Variants in GLRA2 observed in about 807,000 individuals in gnomAD.
The protein encoded by GLRA2 is glycine receptor alpha 2.
In GLRA2, 11 loss-of-function variants were observed where a neutral mutation model predicts 31.6. The observed-to-expected ratio is 0.35, with a 90% confidence interval of 0.22 to 0.58. GLRA2 has a LOEUF of 0.58. GLRA2 is among the 20% of genes least tolerant of loss of function. The pLI is 0.84. For synonymous variants in GLRA2, 132 were observed against 134.0 expected, an observed-to-expected ratio of 0.99 and a Z score of 0.10; for missense variants, 212 against 351.8, an observed-to-expected ratio of 0.60 and a Z score of 3.18.
the GLRA2 span, among the ~76,000 whole-genome samples, chrX:14,479,956 TACTACAGTGGCTGA>T: frequency 8.9e-6 from 1 of 112,084 alleles, no homozygotes; most frequent in African/African-American, 3.2e-5. Context: ...CCAAACTGCT[TACTACAGTGGCTGA>T]ACTAATTTAC....
chrX:14,542,102 G>A (rs757261185), intron 2 of GLRA2, among the ~76,000 whole-genome samples: 3 of 111,500 alleles, frequency 2.7e-5, no homozygotes, highest in Non-Finnish European at 5.7e-5. Flanking sequence ...TTTATTTCTT[G>A]TAAAGGGTTA....
chrX:14,505,434 CTGT>C, the GLRA2 span, among the ~76,000 whole-genome samples: 1 of 111,452 alleles, frequency 9.0e-6, no homozygotes, highest in Non-Finnish European at 1.9e-5. Flanking sequence ...GTTGATTATT[CTGT>C]TGTTATATAA....
chrX:14,502,221 C>A, the GLRA2 span, among the ~76,000 whole-genome samples: 1 of 111,630 alleles, frequency 9.0e-6, no homozygotes, highest in Non-Finnish European at 1.9e-5. Flanking sequence ...TCCTTCATTT[C>A]TTTTGGCCTC....
At chrX:14,555,138 C>T (rs1369882151) in intron 2 of GLRA2, among the ~76,000 whole-genome samples, 1 of 111,842 alleles carries the variant, frequency 8.9e-6, no homozygotes, top group Admixed American at 9.5e-5. Context: ...TGAGAGTAAT[C>T]AAATGCAGGG....
At chrX:14,716,695 CCCTCTGGTG>C (rs1430228227) in intron 8 of GLRA2, among the ~76,000 whole-genome samples, 2 of 111,491 alleles carry the variant, frequency 1.8e-5, no homozygotes, top group Non-Finnish European at 3.8e-5. Flanking sequence ...AGGAGCTCAC[CCCTCTGGTG>C]AGCAAAGATA....
chrX:14,519,564 A>C, the GLRA2 span, among the ~76,000 whole-genome samples: 1 of 112,041 alleles, frequency 8.9e-6, no homozygotes, highest in Non-Finnish European at 1.9e-5. Context: ...TAGGTATTAT[A>C]GAATTAGTAT....
chrX:14,486,788 T>C, the GLRA2 span, among the ~76,000 whole-genome samples: 1 of 111,928 alleles, frequency 8.9e-6, no homozygotes, highest in African/African-American at 3.2e-5. Context: ...CATTACCCTA[T>C]AAAGTAAAAA....
At chrX:14,712,543 C>T (rs371438193) in intron 8 of GLRA2, among the ~76,000 whole-genome samples, 6 of 109,419 alleles carry the variant, frequency 5.5e-5, no homozygotes, top group Non-Finnish European at 5.7e-5. Context: ...ATTAAAGTGG[C>T]GTTTTGTAGT....
intron 4 of GLRA2, among the ~76,000 whole-genome samples, chrX:14,584,927 T>C (rs2090063766): frequency 9.0e-6 from 1 of 111,431 alleles, no homozygotes; most frequent in Non-Finnish European, 1.9e-5. Flanking sequence ...GTTGCTTTCT[T>C]GCTGTTTTGT....
At chrX:14,713,130 T>C (rs1000026371) in intron 8 of GLRA2, among the ~76,000 whole-genome samples, 7 of 111,826 alleles carry the variant, frequency 6.3e-5, no homozygotes, top group Non-Finnish European at 1.9e-5. Context: ...TCTAGAGAAT[T>C]TGGCAGTCAG....
At chrX:14,533,090 CAGAA>C (rs1410687862) in intron 2 of GLRA2, among the ~76,000 whole-genome samples, 1 of 110,307 alleles carries the variant, frequency 9.1e-6, no homozygotes, top group African/African-American at 3.3e-5. Flanking sequence ...TATTCTGAAT[CAGAA>C]AAAAAGAATA....
chrX:14,597,621 G>A (rs901960794), intron 4 of GLRA2, among the ~76,000 whole-genome samples: 4 of 111,136 alleles, frequency 3.6e-5, no homozygotes, highest in African/African-American at 1.3e-4. Context: ...AAATGAAAGG[G>A]GTATCCCTGA....
chrX:14,582,652 G>A (rs185849450), intron 4 of GLRA2, among the ~76,000 whole-genome samples: 43 of 111,852 alleles, frequency 3.8e-4, no homozygotes, highest in African/African-American at 1.3e-3. Flanking sequence ...CACTTACTAA[G>A]TTATGTAATC....
intron 3 of GLRA2, among the ~76,000 whole-genome samples, chrX:14,575,224 G>A (rs2089939454): frequency 9.8e-6 from 1 of 101,704 alleles, no homozygotes. Flanking sequence ...TTTTTGAGAT[G>A]GAGTCTCTCT....
At chrX:14,548,242 T>C (rs2089506763) in intron 2 of GLRA2, among the ~76,000 whole-genome samples, 2 of 111,344 alleles carry the variant, frequency 1.8e-5, no homozygotes, top group South Asian at 7.6e-4. Flanking sequence ...ATATATAACC[T>C]AGGATGGAGG....
At chrX:14,450,259 C>A in the GLRA2 span, among the ~76,000 whole-genome samples, 1 of 112,398 alleles carries the variant, frequency 8.9e-6, no homozygotes. Flanking sequence ...TGCAGACATA[C>A]TCCACAACCT....
chrX:14,722,335 G>C (rs888386188), intron 8 of GLRA2, among the ~76,000 whole-genome samples: 1 of 111,077 alleles, frequency 9.0e-6, no homozygotes, highest in African/African-American at 3.3e-5. Context: ...CTCCACATGG[G>C]CTACTTTGAG....
intron 4 of GLRA2, among the ~76,000 whole-genome samples, chrX:14,599,388 T>C (rs964590576): frequency 8.9e-6 from 1 of 112,290 alleles, no homozygotes; most frequent in African/African-American, 3.2e-5. Context: ...TCCAGGCAAG[T>C]TCGGAAGACT....
At chrX:14,685,172 G>C (rs993440285) in intron 7 of GLRA2, among the ~76,000 whole-genome samples, 15 of 111,756 alleles carry the variant, frequency 1.3e-4, no homozygotes, top group African/African-American at 4.9e-4. Context: ...AAGCCCACTT[G>C]ATCATGGTGG....
Sources: allele counts gnomAD v4.1 joint callset (sites outside exome capture counted in the v4.1 genomes callset), GRCh38; gene constraint gnomAD v4.1.1; transcripts MANE v1.5; gene names NCBI Gene and HGNC (gene_info 2026-07-23, HGNC 2026-07-21).